The following TRAF3IP1 variants were observed in gnomAD, a reference collection of about 807,000 sequenced individuals.
The protein encoded by TRAF3IP1 is TRAF3-interacting protein 1.
TRAF3IP1 carries 53 observed loss-of-function variants against 89.9 expected under a neutral mutation model. The ratio of observed to expected loss-of-function variants is 0.59; its 90% confidence interval spans 0.47 to 0.74. TRAF3IP1 has a LOEUF of 0.74. Ranked by LOEUF, TRAF3IP1 falls within the 30% of genes least tolerant of loss-of-function variation. The pLI is 0.00. For missense variants in TRAF3IP1, 806 were observed against 866.1 expected (o/e 0.93, Z 0.87); for synonymous variants, 311 against 322.1 (o/e 0.97, Z 0.37).
rs1020301504 is a variant in TRAF3IP1, at chr2:238,346,515, C to G, written c.1262-940C>G. ...CCCCTCTCTCCCTGCCAGAGCCACC[C>G]TCTTAAGGCAGCATTTATGAGCTCG... On this transcript the variant is annotated intron_variant, in intron 9 of 16. Transcript: ENST00000373327. 4.6e-5 allele frequency among the ~76,000 whole-genome samples: 7 copies of G among 152,300 alleles called. No homozygotes were observed. In the East Asian group the frequency reaches 1.4e-3, roughly 29 times the overall value.
At chr2:238,327,294 C>T (rs1574891258) in intron 3 of TRAF3IP1, among the ~76,000 whole-genome samples, 1 of 152,220 alleles carries the variant, frequency 6.6e-6, no homozygotes, top group Admixed American at 6.5e-5. Context: ...CTGGGCCTCT[C>T]CTCCCTCCCA....
chr2:238,334,156 G>A (rs1698270029), intron 7 of TRAF3IP1, 121 bp downstream of exon 7: 2 of 745,266 alleles, frequency 2.7e-6, no homozygotes, highest in East Asian at 2.7e-5. Flanking sequence ...TGCTGTGTCT[G>A]GGAATGAACA....
Position 238,353,201 on chromosome 2 carries a change from A to G in TRAF3IP1, c.1604A>G (p.Glu535Gly), listed in dbSNP as rs771658911. 1 of 1,614,150 alleles carries G rather than the reference A, an allele frequency of 6.2e-7. No homozygotes were observed. The highest frequency in any genetic ancestry group is 2.2e-5 in the East Asian group (1 of 44,884). ...MVTAVELEEE[E>G]KHGGLVKKIL... ...ACAGCAGTGGAACTAGAAGAAGAGG[A>G]GAAGCATGGTGAGTCCTGGGCACGA... The change falls in exon 14 of 17, where the codon GAG (glutamate) becomes GGG (glycine). Residue 535 changes from glutamate (E) to glycine (G), a missense_variant. Coordinates refer to ENST00000373327, the MANE Select transcript of TRAF3IP1 (RefSeq NM_015650.4).
At chr2:238,330,823 C>G (rs72978081) in intron 5 of TRAF3IP1, among the ~76,000 whole-genome samples, 3,924 of 151,978 alleles carry the variant, frequency 0.026, 77 homozygotes, top group Non-Finnish European at 0.041. Context: ...TGGAGTTTTA[C>G]TATTTAAAAT....
chr2:238,381,303 A>G (rs887798613), intron 15 of TRAF3IP1, among the ~76,000 whole-genome samples: 7 of 152,292 alleles, frequency 4.6e-5, no homozygotes, highest in East Asian at 3.9e-4. Flanking sequence ...CAGAAACTTT[A>G]GAAAAGTTTC....
At chr2:238,355,681 T>C (rs1254740618) in intron 14 of TRAF3IP1, among the ~76,000 whole-genome samples, 1 of 152,252 alleles carries the variant, frequency 6.6e-6, no homozygotes, top group African/African-American at 2.4e-5. Flanking sequence ...TATTTCTGTT[T>C]GTAATAAATG....
At chr2:238,364,933 A>C (rs1699814014) in intron 15 of TRAF3IP1, among the ~76,000 whole-genome samples, 1 of 152,252 alleles carries the variant, frequency 6.6e-6, no homozygotes, top group Non-Finnish European at 1.5e-5. Context: ...TAAGCAAGCA[A>C]ATATTGCTAG....
At chr2:238,358,245 A>T (rs967222982) in intron 15 of TRAF3IP1, among the ~76,000 whole-genome samples, 3 of 152,014 alleles carry the variant, frequency 2.0e-5, no homozygotes, top group African/African-American at 4.8e-5. Context: ...TTTTAAATAA[A>T]TAAAAATGTG....
intron 8 of TRAF3IP1, among the ~76,000 whole-genome samples, chr2:238,339,183 G>A (rs1338463995): frequency 1.3e-5 from 2 of 152,204 alleles, no homozygotes; most frequent in African/African-American, 4.8e-5. Flanking sequence ...GCGTTCCCCT[G>A]AGAGCTGGCA....
At chr2:238,371,589 A>C (rs1700113669) in intron 15 of TRAF3IP1, among the ~76,000 whole-genome samples, 1 of 152,238 alleles carries the variant, frequency 6.6e-6, no homozygotes, top group African/African-American at 2.4e-5. Flanking sequence ...AGCCTAAGGA[A>C]AGCCTGAGTG....
intron 5 of TRAF3IP1, among the ~76,000 whole-genome samples, chr2:238,331,886 T>G (rs1382233046): frequency 6.6e-6 from 1 of 152,176 alleles, no homozygotes; most frequent in African/African-American, 2.4e-5. Flanking sequence ...TTTGTCCTCT[T>G]CCCCATTTTA....
chr2:238,370,622 G>A (rs1700071664), intron 15 of TRAF3IP1, among the ~76,000 whole-genome samples: 1 of 152,166 alleles, frequency 6.6e-6, no homozygotes, highest in Non-Finnish European at 1.5e-5. Flanking sequence ...CCACTTCATG[G>A]CTTCAGGACC....
At position 238,353,217 on chromosome 2, in the gene TRAF3IP1, C is replaced by T; in HGVS notation, c.1612+8C>T. On this transcript the variant is annotated splice_region_variant and intron_variant, in intron 14 of 16. Transcript: ENST00000373327. ...AAGAAGAGGAGAAGCATGGTGAGTC[C>T]TGGGCACGAGTGTGCATGTATGTCC... The T allele has an allele frequency of 6.2e-7, 1 of 1,614,092 alleles. No individual in the cohort carries two copies. The highest frequency in any genetic ancestry group is 1.6e-4 in the Middle Eastern group (1 of 6,062).
chr2:238,328,215 A>G (rs1251183984), intron 3 of TRAF3IP1, among the ~76,000 whole-genome samples: 1 of 152,092 alleles, frequency 6.6e-6, no homozygotes, highest in Non-Finnish European at 1.5e-5. Flanking sequence ...AGTGCATGAG[A>G]GCTTCAATTT....
In TRAF3IP1 at chr2:238,325,825, T is replaced by A. The variant is rs1697799087; in HGVS notation, c.209T>A (p.Ile70Asn). 2 of 1,612,060 alleles carry A rather than the reference T, an allele frequency of 1.2e-6. No homozygotes were observed. Among genetic ancestry groups the A allele is most frequent in the Non-Finnish European group, 1.7e-6 (2 of 1,179,480 alleles). Residue 70 changes from isoleucine (I) to asparagine (N), a missense_variant, in exon 3 of 17, where the codon ATT becomes AAT. Physicochemically the swap from Ile to Asn is moderately radical, Grantham distance 149 (BLOSUM62 -3). Transcript: ENST00000373327. ...ATGTTTCAGGATAAAGATGCAAAAA[T>A]TAGCTTCCTACAAAAGGCCATAGAC... ...SDNVKDKDAK[I>N]SFLQKAIDVV...
rs1390352942 is a variant in TRAF3IP1 at position 238,351,860 on chromosome 2, TGTGTGTGC to T, written c.1452-965_1452-958del. ...GTGTGTGTGTGTGTGTGTGTGTGTG[TGTGTGTGC>T]GCGCGCGCGCGTGTGCGTGCATGTG... is the stretch of plus-strand genomic sequence containing the variant. On this transcript the variant is annotated intron_variant, in intron 12 of 16. Coordinates refer to ENST00000373327, the MANE Select transcript of TRAF3IP1 (RefSeq NM_015650.4). This position sits in a 1 kb window ranked among gnomAD's most constrained non-coding sequence, Gnocchi z 5.2. 2.2e-4 allele frequency among the ~76,000 whole-genome samples: 20 copies of T among 92,732 alleles called. No homozygotes were observed. Among genetic ancestry groups the T allele is most frequent in the Admixed American group, 4.9e-4 (5 of 10,232 alleles). The allele number at this position is 92,732 out of a possible 152,430, so 60.8% of individuals were successfully genotyped here.
At chr2:238,382,548 C>T (rs1321444372) in intron 15 of TRAF3IP1, among the ~76,000 whole-genome samples, 5 of 152,166 alleles carry the variant, frequency 3.3e-5, no homozygotes, top group Non-Finnish European at 1.5e-5. Flanking sequence ...TTCAGATCAG[C>T]AGGTCGGGGA....
At chr2:238,390,143 G>A (rs1442614563) in intron 15 of TRAF3IP1, among the ~76,000 whole-genome samples, 1 of 152,202 alleles carries the variant, frequency 6.6e-6, no homozygotes, top group Non-Finnish European at 1.5e-5. Flanking sequence ...GGGGACAAGA[G>A]GGGTGACTTT....
At chr2:238,341,893 A>G (rs1031343988) in intron 8 of TRAF3IP1, among the ~76,000 whole-genome samples, 1 of 152,048 alleles carries the variant, frequency 6.6e-6, no homozygotes, top group Admixed American at 6.6e-5. Flanking sequence ...ATTCTCACCT[A>G]CAAGGTTCAT....
Sources: gnomAD v4.1 joint callset for allele counts (sites outside exome capture counted in the v4.1 genomes callset) on GRCh38, gnomAD v4.1.1 for gene constraint, Gnocchi (gnomAD v3.1) non-coding constraint, MANE v1.5 for transcripts, NCBI Gene and HGNC (gene_info 2026-07-23, HGNC 2026-07-21) for gene names.